The following CCDC40 variants were observed in gnomAD, a reference collection of about 807,000 sequenced individuals.
CCDC40 encodes coiled-coil domain-containing protein 40.
A neutral mutation model predicts 124.5 loss-of-function variants in CCDC40; 104 were observed. That is an observed-to-expected ratio of 0.84 (90% CI 0.71 to 0.98). CCDC40 has a LOEUF of 0.98. Among genes scored for constraint, CCDC40 ranks in the 50% least tolerant of loss-of-function variants. CCDC40 has a pLI of 0.00. For synonymous variants in CCDC40, 580 were observed against 602.9 expected (o/e 0.96, Z 0.56); for missense variants, 1,463 against 1,503.9 (o/e 0.97, Z 0.45).
In CCDC40 at chr17:80,066,020, G is replaced by GGAGGAAGA; in HGVS notation, c.1562+416_1562+423dup. ...TCCTATTTTAATCTCCAAAGGAAGG[G>GGAGGAAGA]GAGGAAGAGGCCTCCTCTGGGCATC... On this transcript the variant is annotated intron_variant, in intron 10 of 19. Coordinates refer to ENST00000397545, the MANE Select transcript of CCDC40 (RefSeq NM_017950.4). The surrounding 1 kb of genome is among the most constrained non-coding windows in gnomAD (Gnocchi z 4.4). 2 of 685,600 alleles carry GGAGGAAGA rather than the reference G, an allele frequency of 2.9e-6. No homozygotes were observed. Among genetic ancestry groups the GGAGGAAGA allele is most frequent in the Non-Finnish European group, 5.3e-6 (2 of 376,160 alleles). The allele number at this position is 685,600 out of a possible 1,614,324, so 42.5% of individuals were successfully genotyped here.
Position 80,081,741 on chromosome 17 carries a change from C to G in CCDC40, c.1758C>G (p.Tyr586Ter). 6.2e-7 allele frequency: 1 copy of G among 1,614,118 alleles called. No individual in the cohort carries two copies. Among genetic ancestry groups the G allele is most frequent in the Non-Finnish European group, 8.5e-7 (1 of 1,180,024 alleles). Residue 586 changes from tyrosine (Y) to a stop codon, truncating the protein, a stop_gained, in exon 11 of 20, where the codon TAC becomes TAG. Transcript: ENST00000397545. LOFTEE classifies it high-confidence loss of function. ...QVALQSQFNTYRLTLQDTEDA... is the reference protein window; with the variant it reads ...QVALQSQFNT ...CCCTGCAGAGCCAGTTCAATACCTA[C>G]AGGCTCACCCTGCAGGACACAGAGG... is the stretch of plus-strand genomic sequence containing the variant.
chr17:80,061,856 T>TCCCTAACCCTAACCCTAACCCTAA (rs147790630), intron 9 of CCDC40, among the ~76,000 whole-genome samples: 18,339 of 151,850 alleles, frequency 0.12, 1,210 homozygotes, highest in Middle Eastern at 0.2. Context: ...AGCCACTCCC[T>TCCCTAACCCTAACCCTAACCCTAA]CCCTAACCCT....
chr17:80,048,286 A>G (rs2037482955), intron 4 of CCDC40: 1 of 429,236 alleles, frequency 2.3e-6, no homozygotes, highest in African/African-American at 2.0e-5. Context: ...TATCCAATCC[A>G]CTAGTTAAGT....
At chr17:80,088,145 T>A (rs2038629473) in intron 16 of CCDC40, 43 bp downstream of exon 16, 2 of 1,353,398 alleles carry the variant, frequency 1.5e-6, no homozygotes, top group South Asian at 2.3e-5. Context: ...TGAAGGTCAC[T>A]GCACCTACAG....
At chr17:80,041,864 C>T (rs1478157385) in intron 3 of CCDC40, among the ~76,000 whole-genome samples, 1 of 152,096 alleles carries the variant, frequency 6.6e-6, no homozygotes, top group Non-Finnish European at 1.5e-5. Flanking sequence ...TTCCACCATT[C>T]CTGATGATGT....
chr17:80,050,319 C>T (rs768752520), intron 7 of CCDC40, 36 bp downstream of exon 7: 9 of 1,509,618 alleles, frequency 6.0e-6, no homozygotes, highest in Non-Finnish European at 8.1e-6. Context: ...GCCATCCGGT[C>T]CTGGAGGGTT....
In CCDC40 at chr17:80,100,371, A is replaced by C. The variant is rs1214798058; in HGVS notation, c.*596A>C. The C allele has an allele frequency of 1.8e-5, 3 of 165,250 alleles. No individual in the cohort carries two copies. The highest frequency in any genetic ancestry group is 7.2e-5 in the African/African-American group (3 of 41,540). 10.2% of individuals were successfully genotyped at this position (165,250 alleles called of 1,614,324 possible). A position where few individuals can be genotyped will look rare whatever the true frequency, so the allele number is the denominator to read the frequency against. On this transcript the variant is annotated 3_prime_UTR_variant, in exon 20 of 20. Coordinates refer to ENST00000397545, the MANE Select transcript of CCDC40 (RefSeq NM_017950.4). The stretch of plus-strand genomic sequence containing the variant: ...TGCAGGAGAAAGTCAGTGGCCCCAG[A>C]CACACGTAACAGGGTGAGCACTGAA...
intron 10 of CCDC40, chr17:80,067,526 A>G: frequency 2.1e-6 from 3 of 1,462,912 alleles, no homozygotes; most frequent in Non-Finnish European, 2.8e-6. Context: ...AGCGCTTCCC[A>G]AGTCAAAATA....
At chr17:80,051,610 C>G (rs2037593313) in intron 7 of CCDC40, among the ~76,000 whole-genome samples, 1 of 119,386 alleles carries the variant, frequency 8.4e-6, no homozygotes, top group African/African-American at 3.2e-5. Flanking sequence ...GCCTGGGCGA[C>G]AGAGCGAGAC....
At position 80,097,389 on chromosome 17, in the gene CCDC40, G is replaced by C. The variant is rs1446613930; in HGVS notation, c.3166G>C (p.Ala1056Pro). The C allele has an allele frequency of 1.2e-6, 2 of 1,613,938 alleles. No homozygotes were observed. Among genetic ancestry groups the C allele is most frequent in the South Asian group, 2.2e-5 (2 of 91,088 alleles). The change falls in exon 19 of 20, where the codon GCC becomes CCC. Residue 1056 changes from alanine to proline, a missense_variant. Coordinates refer to ENST00000397545, the MANE Select transcript of CCDC40 (RefSeq NM_017950.4). ...CGAGGCCGACCTCACCCGGCTTGGG[G>C]CCCTCAAACGACAGGTAAACGTGTC... ...TLEADLTRLGALKRQNLSEIV... is the reference protein window; with the variant it reads ...TLEADLTRLGPLKRQNLSEIV...
rs367783575 is a variant in CCDC40 at position 80,039,908 on chromosome 17, A to G, written c.190A>G (p.Ile64Val). 3.7e-6 allele frequency: 6 copies of G among 1,613,630 alleles called. No individual in the cohort carries two copies. Among genetic ancestry groups the G allele is most frequent in the African/African-American group, 2.7e-5 (2 of 74,846 alleles). The change falls in exon 3 of 20, where the codon ATT (isoleucine) becomes GTT (valine). Residue 64 changes from isoleucine (I) to valine (V), a missense_variant. Coordinates refer to ENST00000397545, the MANE Select transcript of CCDC40 (RefSeq NM_017950.4). ...EEVTTQAEAA[I>V]EEGEVETEGE... ...AGTCACAACCCAAGCGGAAGCTGCA[A>G]TTGAAGAGGGGGAGGTGGAGACAGA...
chr17:80,062,720 T>C (rs73439026), intron 9 of CCDC40, among the ~76,000 whole-genome samples: 11,721 of 152,040 alleles, frequency 0.077, 1,458 homozygotes, highest in African/African-American at 0.26. Context: ...GGTAGGACTA[T>C]AAGCACATGC....
At chr17:80,064,652 C>G (rs1007546004) in intron 9 of CCDC40, among the ~76,000 whole-genome samples, 17 of 152,034 alleles carry the variant, frequency 1.1e-4, no homozygotes, top group Admixed American at 7.2e-4. Context: ...GGAGTAAATT[C>G]CTGAACCACC....
intron 19 of CCDC40, chr17:80,097,685 AG>A (rs2038835543): frequency 2.2e-6 from 1 of 462,868 alleles, no homozygotes; most frequent in Non-Finnish European, 4.0e-6. Context: ...CTGTGCTCTT[AG>A]AGGTTACCTC....
chr17:80,062,531 A>G (rs1320692039), intron 9 of CCDC40, among the ~76,000 whole-genome samples: 1 of 135,808 alleles, frequency 7.4e-6, no homozygotes, highest in Non-Finnish European at 1.5e-5. Flanking sequence ...TTCAATTCCC[A>G]CCTATGAGTG....
chr17:80,038,025 A>C (rs1239726370), intron 1 of CCDC40, 98 bp from the exon 2 acceptor site: 3 of 790,600 alleles, frequency 3.8e-6, no homozygotes, highest in Non-Finnish European at 4.4e-6. Context: ...CAGAGAAGTA[A>C]CAAGTAAATA....
intron 7 of CCDC40, among the ~76,000 whole-genome samples, chr17:80,055,468 A>G (rs2037712279): frequency 6.6e-6 from 1 of 152,222 alleles, no homozygotes; most frequent in South Asian, 2.1e-4. Flanking sequence ...AAGAAATCCA[A>G]CAAGGAATGA....
rs1295163302 is a variant in CCDC40, at chr17:80,040,111, T to C, written c.393T>C (p.Ser131=). ...TGCCTGGAGAGGAGGCATACGATAGTGTTAGCGGGGAGGCTGGTCTCCAAG... is the reference window on the plus strand; with the variant it reads ...TGCCTGGAGAGGAGGCATACGATAGCGTTAGCGGGGAGGCTGGTCTCCAAG... The part of the protein sequence containing the change: ...QELPGEEAYD[S]VSGEAGLQGF... Residue 131 remains serine (S), a synonymous_variant, in exon 3 of 20, where the codon AGT becomes AGC. Transcript: ENST00000397545. 5.6e-6 allele frequency: 9 copies of C among 1,614,110 alleles called. No individual in the cohort carries two copies. The highest frequency in any genetic ancestry group is 5.9e-6 in the Non-Finnish European group (7 of 1,180,014).
chr17:80,068,677 TG>T (rs1456417190), intron 10 of CCDC40, among the ~76,000 whole-genome samples: 3 of 151,932 alleles, frequency 2.0e-5, no homozygotes. Context: ...GAGATCCCCA[TG>T]GGGCAGGACC....
Sources: allele counts gnomAD v4.1 joint callset (sites outside exome capture counted in the v4.1 genomes callset), GRCh38; gene constraint gnomAD v4.1.1; non-coding constraint Gnocchi (gnomAD v3.1); transcripts MANE v1.5; gene names NCBI Gene and HGNC (gene_info 2026-07-23, HGNC 2026-07-21).